The following CNTN5 variants were observed in gnomAD, a reference collection of about 807,000 sequenced individuals.
CNTN5 encodes contactin-5.
Under a neutral mutation model 129.1 loss-of-function variants are expected in CNTN5, and 77 were observed. The observed-to-expected ratio is 0.60, with a 90% confidence interval of 0.50 to 0.72. The LOEUF (loss-of-function observed/expected upper bound fraction) is 0.72, where lower values mean the gene tolerates loss of function less well. CNTN5 is among the 30% of genes least tolerant of loss of function. The probability of loss-of-function intolerance (pLI) is 0.00; values close to 1 mark genes in which losing one functional copy is unlikely to be tolerated. For synonymous variants in CNTN5, 509 were observed against 465.6 expected (o/e 1.09, Z -1.20); for missense variants, 1,478 against 1,328.8 (o/e 1.11, Z -1.75).
intron 1 of CNTN5, among the ~76,000 whole-genome samples, chr11:99,070,226 C>T (rs911428595): frequency 6.6e-6 from 1 of 152,116 alleles, no homozygotes; most frequent in Non-Finnish European, 1.5e-5. Context: ...TACTGAGTGA[C>T]GAGAGAAGAT....
chr11:99,437,940 T>TAAAA (rs1943665394), intron 2 of CNTN5, among the ~76,000 whole-genome samples: 4 of 152,242 alleles, frequency 2.6e-5, no homozygotes, highest in Admixed American at 2.0e-4. Context: ...GCTAATGTAT[T>TAAAA]TTCCATATAT....
chr11:99,619,867 A>G (rs1002026851), intron 3 of CNTN5, among the ~76,000 whole-genome samples: 1 of 151,940 alleles, frequency 6.6e-6, no homozygotes, highest in Non-Finnish European at 1.5e-5. Context: ...TCTACTAAAA[A>G]TACAAAAAAT....
intron 3 of CNTN5, among the ~76,000 whole-genome samples, chr11:99,649,022 T>C (rs989096122): frequency 1.3e-5 from 2 of 151,542 alleles, no homozygotes; most frequent in African/African-American, 4.8e-5. Flanking sequence ...GTCAAGAAAA[T>C]ACCAAATATT....
intron 6 of CNTN5, among the ~76,000 whole-genome samples, chr11:99,852,829 G>A (rs552079668): frequency 2.2e-4 from 34 of 152,266 alleles, no homozygotes; most frequent in African/African-American, 7.9e-4. Flanking sequence ...TAATGCTCAA[G>A]CACATTTACT....
intron 4 of CNTN5, among the ~76,000 whole-genome samples, chr11:99,836,771 C>A (rs537876446): frequency 6.5e-4 from 99 of 152,236 alleles, no homozygotes; most frequent in African/African-American, 2.2e-3. Context: ...AGTGTAAAAG[C>A]ATTCCTATTT....
At chr11:99,791,071 A>G (rs113207405) in intron 3 of CNTN5, among the ~76,000 whole-genome samples, 7 of 151,452 alleles carry the variant, frequency 4.6e-5, no homozygotes, top group African/African-American at 1.7e-4. Context: ...ATAGTTTGCA[A>G]ATATTTTCTC....
rs199759700 is a variant in CNTN5 at position 99,645,922 on chromosome 11, G to A, written c.55+89653G>A. ...TAACAAACCTGCAAGTTTTGCACAT[G>A]TATCCCATAACTTAAAGTATAACTT... On this transcript the variant is annotated intron_variant, in intron 3 of 24. Coordinates refer to ENST00000524871, the MANE Select transcript of CNTN5 (RefSeq NM_014361.4). Among the ~76,000 whole-genome samples the A allele has an allele frequency of 6.9e-3, 1,045 of 152,064 alleles. 68 individuals are homozygous for A. In the East Asian group the frequency reaches 0.17, roughly 24 times the overall value.
At chr11:100,019,614 T>A (rs1427747755) in intron 9 of CNTN5, among the ~76,000 whole-genome samples, 3 of 151,982 alleles carry the variant, frequency 2.0e-5, no homozygotes, top group Non-Finnish European at 4.4e-5. Context: ...TTAAGCTGAT[T>A]GCGTATCTTG....
intron 8 of CNTN5, among the ~76,000 whole-genome samples, chr11:99,985,712 A>G (rs112568107): frequency 3.3e-5 from 5 of 152,194 alleles, no homozygotes; most frequent in African/African-American, 1.2e-4. Context: ...ACATTTAGAC[A>G]TTAGTGAGTA....
chr11:100,093,217 T>C (rs1393782235), intron 13 of CNTN5, among the ~76,000 whole-genome samples: 2 of 152,088 alleles, frequency 1.3e-5, no homozygotes, highest in African/African-American at 4.8e-5. Context: ...CCCTGTTTTC[T>C]CTCGGGTGTT....
intron 2 of CNTN5, among the ~76,000 whole-genome samples, chr11:99,328,726 C>T (rs2136018166): frequency 6.6e-6 from 1 of 151,518 alleles, no homozygotes; most frequent in East Asian, 2.0e-4. Context: ...CAAAATTAGC[C>T]AAGCATGATG....
At chr11:99,445,959 C>G (rs1274303342) in intron 2 of CNTN5, among the ~76,000 whole-genome samples, 1 of 151,954 alleles carries the variant, frequency 6.6e-6, no homozygotes, top group African/African-American at 2.4e-5. Flanking sequence ...TGGCAGGCTC[C>G]TGTAATCCCA....
intron 17 of CNTN5, among the ~76,000 whole-genome samples, chr11:100,260,108 G>GGGAT (rs1950165846): frequency 6.6e-6 from 1 of 151,902 alleles, no homozygotes; most frequent in Non-Finnish European, 1.5e-5. Flanking sequence ...AATGATAAAG[G>GGGAT]GGATATCACT....
intron 6 of CNTN5, among the ~76,000 whole-genome samples, chr11:99,878,229 T>G (rs1948683414): frequency 6.6e-6 from 1 of 152,194 alleles, no homozygotes; most frequent in African/African-American, 2.4e-5. Flanking sequence ...TTGAGAGCCC[T>G]GGAATCAGAG....
chr11:99,886,676 G>T (rs1948909097), intron 6 of CNTN5, among the ~76,000 whole-genome samples: 1 of 151,998 alleles, frequency 6.6e-6, no homozygotes, highest in Non-Finnish European at 1.5e-5. Context: ...ACGCTAGTGG[G>T]TATCAATAGA....
chr11:99,578,164 T>C (rs558499779), intron 3 of CNTN5, among the ~76,000 whole-genome samples: 1 of 152,086 alleles, frequency 6.6e-6, no homozygotes, highest in Non-Finnish European at 1.5e-5. Flanking sequence ...GAACTCATCC[T>C]TTTTCATGGC....
At chr11:99,039,171 TA>T (rs1565268389) in intron 1 of CNTN5, among the ~76,000 whole-genome samples, 1 of 152,012 alleles carries the variant, frequency 6.6e-6, no homozygotes, top group Non-Finnish European at 1.5e-5. Context: ...ACATCAGCAA[TA>T]AAAAAGAAAC....
chr11:99,201,346 TTTCCTTTCC>T lies in CNTN5; in HGVS notation c.-209-123993_-209-123985del, dbSNP rs1184926690. Among the ~76,000 whole-genome samples, 36 of 113,298 alleles carry T rather than the reference TTTCCTTTCC, an allele frequency of 3.2e-4. 2 individuals carry two copies. The highest frequency in any genetic ancestry group is 4.8e-4 in the Non-Finnish European group (26 of 54,388). The allele number at this position is 113,298 out of a possible 152,430, so 74.3% of individuals were successfully genotyped here. A position where few individuals can be genotyped will look rare whatever the true frequency, so the allele number is the denominator to read the frequency against. ...GCCCCTTCCTTCCTTCCTTCCTTCC[TTTCCTTTCC>T]TTCCTTCCTTCCTTCCTTCCTTCCT... On this transcript the variant is annotated intron_variant, in intron 1 of 24. Transcript: ENST00000524871.
intron 1 of CNTN5, among the ~76,000 whole-genome samples, chr11:99,041,300 T>C (rs1370036827): frequency 6.6e-6 from 1 of 152,182 alleles, no homozygotes; most frequent in Non-Finnish European, 1.5e-5. Context: ...TGCCATATCT[T>C]TAATATCTTC....
Sources: gnomAD v4.1 joint callset for allele counts (sites outside exome capture counted in the v4.1 genomes callset) on GRCh38, gnomAD v4.1.1 for gene constraint, MANE v1.5 for transcripts, NCBI Gene and HGNC (gene_info 2026-07-23, HGNC 2026-07-21) for gene names.